NAA15: variants seen among roughly 807,000 people sequenced by gnomAD.
NAA15 encodes the protein N-alpha-acetyltransferase 15, NatA auxiliary subunit.
Under a neutral mutation model 114.0 loss-of-function variants are expected in NAA15, and 34 were observed. The observed-to-expected ratio is 0.30, with a 90% CI of 0.23 to 0.40. The LOEUF (loss-of-function observed/expected upper bound fraction) is 0.40, where lower values mean the gene tolerates loss of function less well. Among genes scored for constraint, NAA15 ranks in the 10% least tolerant of loss-of-function variants. The probability of loss-of-function intolerance (pLI) is 1.00; values close to 1 mark genes in which losing one functional copy is unlikely to be tolerated. For synonymous variants in NAA15, 340 were observed against 338.0 expected, an observed-to-expected ratio of 1.01 and a Z score of -0.06; for missense variants, 658 against 1,004.5, an observed-to-expected ratio of 0.66 and a Z score of 4.66.
intron 19 of NAA15, 93 bp from the exon 20 acceptor site, chr4:139,387,791 T>C (rs374057617): frequency 1.0e-6 from 1 of 967,924 alleles, no homozygotes; most frequent in Middle Eastern, 2.6e-4. Context: ...TTATTTCTTA[T>C]TTTAGAAATC....
chr4:139,309,935 A>G (rs1163827164), intron 1 of NAA15, among the ~76,000 whole-genome samples: 1 of 152,116 alleles, frequency 6.6e-6, no homozygotes, highest in Non-Finnish European at 1.5e-5. Context: ...TTATTTGATG[A>G]TAATAGAATT....
chr4:139,386,098 C>A, intron 18 of NAA15, 35 bp from the exon 19 acceptor site: 1 of 1,196,986 alleles, frequency 8.4e-7, no homozygotes, highest in Non-Finnish European at 1.2e-6. Flanking sequence ...GTTGGTTTTA[C>A]CTTGAAATAA....
At chr4:139,305,242 A>G (rs984510099) in intron 1 of NAA15, among the ~76,000 whole-genome samples, 1 of 152,242 alleles carries the variant, frequency 6.6e-6, no homozygotes, top group African/African-American at 2.4e-5. Context: ...CCAAAATCAC[A>G]GTGCTGAAGA....
In NAA15 at chr4:139,389,038, T is replaced by C. The variant is rs867048441; in HGVS notation, c.*954T>C. The stretch of plus-strand genomic sequence containing the variant: ...AAACCTCAGCAGGCCTTGTTCACGA[T>C]ATGCAGAAAAAAAAGTGCTGCAGTT... On this transcript the variant is annotated 3_prime_UTR_variant, in exon 20 of 20. Transcript: ENST00000296543. 2 of 152,674 alleles carry C rather than the reference T, an allele frequency of 1.3e-5. No homozygotes were observed. The highest frequency in any genetic ancestry group is 2.1e-4 in the South Asian group (1 of 4,824). The allele number at this position is 152,674 out of a possible 1,614,324, so 9.5% of individuals were successfully genotyped here.
At chr4:139,386,273 C>CT in intron 19 of NAA15, 43 bp downstream of exon 19, 1 of 1,083,472 alleles carries the variant, frequency 9.2e-7, no homozygotes, top group South Asian at 1.3e-5. Flanking sequence ...TACTTAACTA[C>CT]TTTTTTCACC....
intron 1 of NAA15, among the ~76,000 whole-genome samples, chr4:139,319,637 T>A (rs567352112): frequency 8.6e-5 from 13 of 151,742 alleles, no homozygotes; most frequent in Admixed American, 2.6e-4. Flanking sequence ...TTTTGCCATG[T>A]TGCCAGGCTG....
chr4:139,347,961 AGCGGAGC>A (rs1747642730), intron 6 of NAA15, among the ~76,000 whole-genome samples: 1 of 149,850 alleles, frequency 6.7e-6, no homozygotes, highest in African/African-American at 2.5e-5. Flanking sequence ...GAACCCGGGA[AGCGGAGC>A]TTGCAGTGAG....
rs1444074782 is a variant in NAA15, at chr4:139,389,684, T to G, written c.*1600T>G. The G allele has an allele frequency of 6.6e-6, 1 of 152,642 alleles. No homozygotes were observed. Among genetic ancestry groups the G allele is most frequent in the African/African-American group, 2.4e-5 (1 of 41,458 alleles). 9.5% of individuals were successfully genotyped at this position (152,642 alleles called of 1,614,324 possible). ...TTTGCAAGATCTGAGCAAATAAGAT[T>G]AAGTAAAACAAATCAATTGTATATA... is the stretch of plus-strand genomic sequence containing the variant. On this transcript the variant is annotated 3_prime_UTR_variant, in exon 20 of 20. Transcript: ENST00000296543.
intron 1 of NAA15, chr4:139,318,558 A>G (rs1344406632): frequency 6.6e-6 from 1 of 152,250 alleles, no homozygotes; most frequent in East Asian, 1.9e-4. Flanking sequence ...AGAGTGGTCT[A>G]AAATGTCAAA....
chr4:139,363,722 A>G (rs541414287), intron 14 of NAA15, among the ~76,000 whole-genome samples: 1 of 152,318 alleles, frequency 6.6e-6, no homozygotes, highest in South Asian at 2.1e-4. Flanking sequence ...GGATATGAGA[A>G]TTTGGGATAA....
rs762114041 is a variant in NAA15, at chr4:139,351,309, G to T, written c.907+23G>T. On this transcript the variant is annotated intron_variant, in intron 8 of 19. Transcript: ENST00000296543. ...CTGGTAAGTGAGAATAATTGCAAAG[G>T]AATAGAAATGCTTTTATGATTTAAA... 7 of 1,463,946 alleles carry T rather than the reference G, an allele frequency of 4.8e-6. No individual in the cohort carries two copies. The South Asian group carries it at 6.0e-5, about 12-fold the overall frequency. The allele number at this position is 1,463,946 out of a possible 1,614,324, so 90.7% of individuals were successfully genotyped here. A position where few individuals can be genotyped will look rare whatever the true frequency, so the allele number is the denominator to read the frequency against.
chr4:139,347,829 G>C (rs1297853123), intron 6 of NAA15, among the ~76,000 whole-genome samples: 2 of 149,090 alleles, frequency 1.3e-5, no homozygotes, highest in Non-Finnish European at 3.0e-5. Context: ...TCAGGAGATC[G>C]AGACCATCCT....
chr4:139,305,741 T>G (rs1436373340), intron 1 of NAA15, among the ~76,000 whole-genome samples: 1 of 152,082 alleles, frequency 6.6e-6, no homozygotes, highest in South Asian at 2.1e-4. Flanking sequence ...TCCATGTTGT[T>G]CAGGCTCGTC....
chr4:139,340,721 G>A (rs1192991467), intron 3 of NAA15, among the ~76,000 whole-genome samples, 191 bp from the exon 4 acceptor site: 2 of 152,150 alleles, frequency 1.3e-5, no homozygotes, highest in African/African-American at 4.8e-5. Flanking sequence ...AATTTTCTCT[G>A]GCTGCAAAAG....
At chr4:139,385,091 A>G (rs1748858306) in intron 18 of NAA15, 113 bp downstream of exon 18, 1 of 898,120 alleles carries the variant, frequency 1.1e-6, no homozygotes, top group Non-Finnish European at 1.5e-6. Context: ...TGTATATGTT[A>G]CATTGTGATC....
chr4:139,332,391 A>G (rs796172884), intron 1 of NAA15, among the ~76,000 whole-genome samples: 5 of 151,852 alleles, frequency 3.3e-5, no homozygotes, highest in African/African-American at 9.7e-5. Flanking sequence ...GGCCTCCAAA[A>G]GTGCTGGGAT....
intron 1 of NAA15, among the ~76,000 whole-genome samples, chr4:139,328,810 C>T (rs1031975821): frequency 4.0e-5 from 6 of 151,746 alleles, no homozygotes. Flanking sequence ...TCGTGATCCG[C>T]TTGCCTCTGC....
chr4:139,309,348 C>CA (rs1185235574), intron 1 of NAA15, among the ~76,000 whole-genome samples: 819 of 68,708 alleles, frequency 0.012, 14 homozygotes, highest in East Asian at 0.081. Context: ...AACTTCGTCT[C>CA]AAAAAAAAAA....
Position 139,314,995 on chromosome 4 carries a change from GTTCA to G in NAA15, c.54+13165_54+13168del, listed in dbSNP as rs1746337287. ...CCGGCCTAGAGAAGCGTTCAGTTCA[GTTCA>G]GTTTAGTTTAGGTTAGGTTAGGTTA... On this transcript the variant is annotated intron_variant, in intron 1 of 19. Transcript: ENST00000296543. Among the ~76,000 whole-genome samples, 30 of 62,536 alleles carry G rather than the reference GTTCA, an allele frequency of 4.8e-4. 1 individual carries two copies. The highest frequency in any genetic ancestry group is 1.6e-3 in the African/African-American group (19 of 12,252). The allele number at this position is 62,536 out of a possible 152,430, so 41.0% of individuals were successfully genotyped here. A position where few individuals can be genotyped will look rare whatever the true frequency, so the allele number is the denominator to read the frequency against.
Sources: gnomAD v4.1 joint callset for allele counts (sites outside exome capture counted in the v4.1 genomes callset) on GRCh38, gnomAD v4.1.1 for gene constraint, MANE v1.5 for transcripts, NCBI Gene and HGNC (gene_info 2026-07-23, HGNC 2026-07-21) for gene names.